CENPC: variants seen among roughly 807,000 people sequenced by gnomAD.
CENPC encodes CENP-C 1.
CENPC carries 63 observed loss-of-function variants against 112.1 expected under a neutral mutation model. The observed-to-expected ratio is 0.56, with a 90% CI of 0.46 to 0.69. CENPC has a LOEUF of 0.69. Ranked by LOEUF, CENPC falls within the 30% of genes least tolerant of loss-of-function variation. The pLI, the probability that CENPC is intolerant of heterozygous loss-of-function variation, is 0.00. For synonymous variants in CENPC, 333 were observed against 367.6 expected (o/e 0.91, Z 1.08); for missense variants, 1,000 against 1,103.8 (o/e 0.91, Z 1.33).
chr4:67,540,513 T>C (rs1045918458), intron 3 of CENPC, among the ~76,000 whole-genome samples: 2 of 152,052 alleles, frequency 1.3e-5, no homozygotes, highest in East Asian at 3.9e-4. Context: ...TACTAAAAAA[T>C]ACAAAAATTA....
chr4:67,471,401 G>C lies in CENPC; in HGVS notation c.*1204C>G, dbSNP rs1232330605. The stretch of plus-strand genomic sequence containing the variant: ...CTGTCAACCAAAAATTATTAGACAT[G>C]TAAAAACATATGAAAGTGAAATATA... On this transcript the variant is annotated 3_prime_UTR_variant, in exon 19 of 19. Coordinates refer to ENST00000273853, the MANE Select transcript of CENPC (RefSeq NM_001812.4). 6.6e-6 allele frequency: 1 copy of C among 151,990 alleles called. No homozygotes were observed. Among genetic ancestry groups the C allele is most frequent in the Non-Finnish European group, 1.5e-5 (1 of 67,998 alleles). The allele number at this position is 151,990 out of a possible 1,614,324, so 9.4% of individuals were successfully genotyped here.
intron 9 of CENPC, chr4:67,510,813 C>T: frequency 3.3e-6 from 1 of 303,948 alleles, no homozygotes; most frequent in South Asian, 3.0e-5. Context: ...CTTCTTCCAT[C>T]AGATGAGAGT....
At chr4:67,531,094 G>A (rs1241506312) in intron 4 of CENPC, among the ~76,000 whole-genome samples, 180 bp from the exon 5 acceptor site, 1 of 151,958 alleles carries the variant, frequency 6.6e-6, no homozygotes, top group Non-Finnish European at 1.5e-5. Context: ...AAAACAATCT[G>A]GCATTATTCA....
At chr4:67,497,525 C>A (rs1361316933) in intron 12 of CENPC, among the ~76,000 whole-genome samples, 2 of 152,036 alleles carry the variant, frequency 1.3e-5, no homozygotes, top group Non-Finnish European at 2.9e-5. Context: ...AAAGTTATTT[C>A]TTTTGCTGTT....
Position 67,506,913 on chromosome 4 carries a change from A to G in CENPC, c.1926T>C (p.Asn642=), listed in dbSNP as rs779027564. 9 of 1,609,268 alleles carry G rather than the reference A, an allele frequency of 5.6e-6. No individual in the cohort carries two copies. Among genetic ancestry groups the G allele is most frequent in the Admixed American group, 1.7e-5 (1 of 59,078 alleles). Residue 642 remains asparagine (N), a synonymous_variant, in exon 11 of 19, where the codon AAT becomes AAC. Coordinates refer to ENST00000273853, the MANE Select transcript of CENPC (RefSeq NM_001812.4). ...TCTGTGCAGTCATAATGTTATCTTC[A>G]TTCTTTGAGCTTCTTGTAGATCTAT... ...DCSRSTRSSK[N]EDNIMTAQNV...
At chr4:67,534,187 G>A (rs1404456509) in intron 4 of CENPC, among the ~76,000 whole-genome samples, 1 of 152,160 alleles carries the variant, frequency 6.6e-6, no homozygotes, top group Non-Finnish European at 1.5e-5. Flanking sequence ...AGGCTGAGGC[G>A]GGTGGATCAC....
intron 14 of CENPC, 50 bp from the exon 15 acceptor site, chr4:67,493,047 G>A (rs1421747317): frequency 7.2e-7 from 1 of 1,391,774 alleles, no homozygotes; most frequent in East Asian, 2.7e-5. Flanking sequence ...ACAAAATCTT[G>A]AAACAAAACT....
intron 5 of CENPC, among the ~76,000 whole-genome samples, chr4:67,530,077 A>C (rs355475): frequency 0.63 from 95,689 of 151,908 alleles, 30,404 homozygotes; most frequent in East Asian, 0.81. Context: ...AACACATTCC[A>C]GATGGTTAAA....
chr4:67,486,823 T>C (rs1425715825), intron 17 of CENPC, among the ~76,000 whole-genome samples: 1 of 152,162 alleles, frequency 6.6e-6, no homozygotes, highest in African/African-American at 2.4e-5. Context: ...CATTAAGCAG[T>C]TTGTCATAAA....
rs182301914 is a variant in CENPC at position 67,526,499 on chromosome 4, T to C, written c.331+4316A>G. Among the ~76,000 whole-genome samples the C allele has an allele frequency of 4.3e-4, 65 of 152,094 alleles. No homozygotes were observed. The East Asian group carries it at 0.012, about 29-fold the overall frequency. ...GATAATCAAAATAGTCCTATAACTA[T>C]TAAAGAATTAATATTGCTATTTAAA... On this transcript the variant is annotated intron_variant, in intron 5 of 18. Transcript: ENST00000273853.
intron 2 of CENPC, among the ~76,000 whole-genome samples, chr4:67,542,744 T>C (rs1303567123): frequency 6.6e-6 from 1 of 152,150 alleles, no homozygotes; most frequent in Non-Finnish European, 1.5e-5. Context: ...TGGCCGGTTT[T>C]CTACCAGAAT....
intron 16 of CENPC, among the ~76,000 whole-genome samples, chr4:67,491,470 TATATATATATAGAGAGAGAG>T (rs1187526577): frequency 2.1e-3 from 98 of 47,434 alleles, no homozygotes; most frequent in African/African-American, 6.1e-3. Flanking sequence ...TATATATATA[TATATATATATAGAGAGAGAG>T]AGAGAGAGAG....
At chr4:67,510,766 AG>A (rs921492239) in intron 9 of CENPC, 1 of 317,818 alleles carries the variant, frequency 3.1e-6, no homozygotes, top group African/African-American at 2.2e-5. Flanking sequence ...GGCTGGGGGC[AG>A]GTCAAGTTGT....
At chr4:67,541,218 G>A (rs1419363549) in intron 2 of CENPC, among the ~76,000 whole-genome samples, 168 bp from the exon 3 acceptor site, 1 of 152,090 alleles carries the variant, frequency 6.6e-6, no homozygotes, top group Non-Finnish European at 1.5e-5. Flanking sequence ...ATTCCCTCAA[G>A]TGAACTCTTT....
intron 5 of CENPC, among the ~76,000 whole-genome samples, chr4:67,525,408 C>A (rs946247524): frequency 1.3e-5 from 2 of 152,132 alleles, no homozygotes; most frequent in African/African-American, 4.8e-5. Flanking sequence ...TTTTTACAAC[C>A]TCTCCATCTG....
chr4:67,484,667 G>C (rs946405724), intron 17 of CENPC, among the ~76,000 whole-genome samples: 11 of 152,146 alleles, frequency 7.2e-5, no homozygotes, highest in Admixed American at 5.9e-4. Context: ...CCAGTCCTTG[G>C]TGCCAAAAAG....
intron 16 of CENPC, among the ~76,000 whole-genome samples, chr4:67,491,474 TATATATAGAG>T (rs1400273176): frequency 0.014 from 454 of 32,514 alleles, 2 homozygotes; most frequent in Admixed American, 0.022. Flanking sequence ...TATATATATA[TATATATAGAG>T]AGAGAGAGAG....
At chr4:67,524,237 AG>A (rs1358004787) in intron 5 of CENPC, among the ~76,000 whole-genome samples, 1 of 152,164 alleles carries the variant, frequency 6.6e-6, no homozygotes, top group Non-Finnish European at 1.5e-5. Context: ...CACCAAAAAT[AG>A]GGTAATGCTT....
chr4:67,499,351 A>G (rs752404895), intron 12 of CENPC, among the ~76,000 whole-genome samples: 18 of 152,220 alleles, frequency 1.2e-4, no homozygotes, highest in Admixed American at 4.6e-4. Flanking sequence ...CTACAGGGAA[A>G]ATCTGTTGTT....
Sources: allele counts gnomAD v4.1 joint callset (sites outside exome capture counted in the v4.1 genomes callset), GRCh38; gene constraint gnomAD v4.1.1; transcripts MANE v1.5; gene names NCBI Gene and HGNC (gene_info 2026-07-23, HGNC 2026-07-21).